Variants in RBPMS observed in about 807,000 individuals in gnomAD.
The protein encoded by RBPMS is RNA binding protein, mRNA processing factor.
In RBPMS, 7 loss-of-function variants were observed where a neutral mutation model predicts 26.8. The ratio of observed to expected loss-of-function variants is 0.26; its 90% CI spans 0.15 to 0.49. RBPMS has a LOEUF of 0.49. Among genes scored for constraint, RBPMS ranks in the 20% least tolerant of loss-of-function variants. The pLI, the probability that RBPMS is intolerant of heterozygous loss-of-function variation, is 0.98. For missense variants in RBPMS, 186 were observed against 250.0 expected, an observed-to-expected ratio of 0.74 and a Z score of 1.73; for synonymous variants, 96 against 93.3, an observed-to-expected ratio of 1.03 and a Z score of -0.17.
intron 5 of RBPMS, among the ~76,000 whole-genome samples, chr8:30,510,388 C>CAA (rs952572028): frequency 1.2e-4 from 18 of 152,072 alleles, no homozygotes; most frequent in African/African-American, 4.1e-4. Context: ...CCTATTTTAC[C>CAA]CCTAAGGAGA....
At chr8:30,460,581 T>C (rs1815765575) in intron 1 of RBPMS, among the ~76,000 whole-genome samples, 1 of 152,234 alleles carries the variant, frequency 6.6e-6, no homozygotes, top group African/African-American at 2.4e-5. Context: ...CTATTTATTT[T>C]CTATATTACA....
chr8:30,549,289 T>C (rs957616538), intron 6 of RBPMS, among the ~76,000 whole-genome samples: 2 of 152,216 alleles, frequency 1.3e-5, no homozygotes, highest in East Asian at 3.8e-4. Flanking sequence ...ACTTGACCCC[T>C]GACCCCAGAC....
intron 6 of RBPMS, among the ~76,000 whole-genome samples, chr8:30,549,742 C>CTTTCCTTTTCTTTCCT (rs139991132): frequency 1.5e-4 from 21 of 143,960 alleles, no homozygotes; most frequent in Non-Finnish European, 2.7e-4. Flanking sequence ...TTCTTTCTTT[C>CTTTCCTTTTCTTTCCT]TTTCTTTCCT....
rs554542914 is a variant in RBPMS at position 30,512,008 on chromosome 8, G to T, written c.397+7572G>T. On this transcript the variant is annotated intron_variant, in intron 5 of 8. Transcript: ENST00000397323. The stretch of plus-strand genomic sequence containing the variant: ...TGAGGGATTGTTTTACATAATATTG[G>T]GTTGGTTATTCAGGGAGATAAAATT... 3.3e-5 allele frequency among the ~76,000 whole-genome samples: 5 copies of T among 152,160 alleles called. No individual in the cohort carries two copies. The South Asian group carries it at 6.2e-4, about 19-fold the overall frequency.
At chr8:30,526,224 G>C (rs944839941) in intron 5 of RBPMS, among the ~76,000 whole-genome samples, 1 of 152,200 alleles carries the variant, frequency 6.6e-6, no homozygotes, top group Non-Finnish European at 1.5e-5. Flanking sequence ...AGTCCAAACA[G>C]AGTCCATCAT....
At chr8:30,454,254 G>A (rs902173725) in intron 1 of RBPMS, among the ~76,000 whole-genome samples, 6 of 152,154 alleles carry the variant, frequency 3.9e-5, no homozygotes, top group African/African-American at 1.2e-4. Context: ...CTTGATTAAC[G>A]AGTATTAACT....
At chr8:30,511,640 TATAG>T (rs1012624491) in intron 5 of RBPMS, among the ~76,000 whole-genome samples, 1 of 150,204 alleles carries the variant, frequency 6.7e-6, no homozygotes, top group Admixed American at 6.7e-5. Flanking sequence ...TGTGTGTGTA[TATAG>T]ATACACATAT....
chr8:30,529,342 A>G lies in RBPMS; in HGVS notation c.398-15152A>G, dbSNP rs571305693. On this transcript the variant is annotated intron_variant, in intron 5 of 8. Transcript: ENST00000397323. ...TCCATCACCACTATCTATTTCCAAAACTTTTTCATCACCTTAAAAACTCTA... is the reference window on the plus strand; with the variant it reads ...TCCATCACCACTATCTATTTCCAAAGCTTTTTCATCACCTTAAAAACTCTA... Among the ~76,000 whole-genome samples the G allele has an allele frequency of 1.4e-4, 21 of 152,090 alleles. No homozygotes were observed. The South Asian group carries it at 4.4e-3, about 32-fold the overall frequency.
At chr8:30,489,476 G>A (rs562369684) in intron 4 of RBPMS, among the ~76,000 whole-genome samples, 2 of 150,936 alleles carry the variant, frequency 1.3e-5, no homozygotes, top group African/African-American at 4.9e-5. Context: ...TCTTTTTTTC[G>A]AGACAGTCTC....
At chr8:30,430,674 A>G (rs1171514747) in intron 1 of RBPMS, among the ~76,000 whole-genome samples, 1 of 152,176 alleles carries the variant, frequency 6.6e-6, no homozygotes, top group African/African-American at 2.4e-5. Flanking sequence ...CATTGTGGCA[A>G]TCATTTTATA....
At chr8:30,460,091 AAT>A (rs1485148772) in intron 1 of RBPMS, among the ~76,000 whole-genome samples, 3 of 152,238 alleles carry the variant, frequency 2.0e-5, no homozygotes, top group Non-Finnish European at 4.4e-5. Context: ...AGATTAAACA[AAT>A]ATGTCTTTGG....
In RBPMS at chr8:30,442,079, C is replaced by G. The variant is rs55949559; in HGVS notation, c.67-32700C>G. Among the ~76,000 whole-genome samples the G allele has an allele frequency of 1.6e-3, 242 of 152,248 alleles. 1 individual carries two copies. Among genetic ancestry groups the G allele is most frequent in the Non-Finnish European group, 2.8e-3 (193 of 68,018 alleles). ...CTGGGATTACAGGTATGAGCCACCG[C>G]GCCCGGCCTATTTTTTATTTTGTTG... is the stretch of plus-strand genomic sequence containing the variant. On this transcript the variant is annotated intron_variant, in intron 1 of 8. Transcript: ENST00000397323.
intron 4 of RBPMS, among the ~76,000 whole-genome samples, chr8:30,488,537 A>G (rs542954836): frequency 1.7e-4 from 26 of 152,216 alleles, no homozygotes; most frequent in Non-Finnish European, 3.5e-4. Context: ...AGAATGCTCA[A>G]TAAATGAGTG....
intron 4 of RBPMS, 120 bp from the exon 5 acceptor site, chr8:30,504,166 G>A (rs1478856132): frequency 4.2e-6 from 4 of 944,050 alleles, no homozygotes; most frequent in Non-Finnish European, 6.7e-6. Context: ...GTAAGAATGA[G>A]AGTGGTTGCT....
intron 6 of RBPMS, chr8:30,556,473 C>T (rs967256226): frequency 4.1e-6 from 4 of 985,822 alleles, no homozygotes; most frequent in Admixed American, 1.2e-4. Flanking sequence ...AGAACCATGC[C>T]ATCCACTGTG....
chr8:30,520,020 AT>A (rs1822861587), intron 5 of RBPMS, among the ~76,000 whole-genome samples: 1 of 152,188 alleles, frequency 6.6e-6, no homozygotes, highest in Non-Finnish European at 1.5e-5. Flanking sequence ...TGTGTACTTT[AT>A]ATGACATCCC....
intron 1 of RBPMS, among the ~76,000 whole-genome samples, chr8:30,428,349 A>G (rs1289674379): frequency 6.7e-6 from 1 of 150,356 alleles, no homozygotes; most frequent in Non-Finnish European, 1.5e-5. Context: ...CCAGCTACTC[A>G]GGAGACAGAG....
intron 5 of RBPMS, among the ~76,000 whole-genome samples, chr8:30,542,529 T>A (rs2151041639): frequency 6.6e-6 from 1 of 152,338 alleles, no homozygotes; most frequent in Middle Eastern, 3.4e-3. Flanking sequence ...GCCAAACACG[T>A]TCCCCCTGAG....
intron 1 of RBPMS, among the ~76,000 whole-genome samples, chr8:30,412,279 C>T (rs1249334209): frequency 6.6e-6 from 1 of 152,112 alleles, no homozygotes; most frequent in Non-Finnish European, 1.5e-5. Context: ...ATGTTAAGTG[C>T]TTGGTGTTCT....
Sources: gnomAD v4.1 joint callset for allele counts (sites outside exome capture counted in the v4.1 genomes callset) on GRCh38, gnomAD v4.1.1 for gene constraint, MANE v1.5 for transcripts, NCBI Gene and HGNC (gene_info 2026-07-23, HGNC 2026-07-21) for gene names.